Variants in PYHIN1 observed in about 807,000 individuals in gnomAD.
PYHIN1 encodes the protein pyrin and HIN domain-containing protein 1.
In PYHIN1, 32 loss-of-function variants were observed where a neutral mutation model predicts 43.7. The ratio of observed to expected loss-of-function variants is 0.73; its 90% CI spans 0.55 to 0.98. The LOEUF (loss-of-function observed/expected upper bound fraction) is 0.98, where lower values mean the gene tolerates loss of function less well. PYHIN1 is among the 50% of genes least tolerant of loss of function. The pLI is 0.00. For missense variants in PYHIN1, 588 were observed against 589.5 expected, an observed-to-expected ratio of 1.00 and a Z score of 0.03; for synonymous variants, 205 against 203.1, an observed-to-expected ratio of 1.01 and a Z score of -0.08.
In PYHIN1 at chr1:158,939,165, G is replaced by A. The variant is rs1236841496; in HGVS notation, c.497G>A (p.Gly166Glu). The A allele has an allele frequency of 1.2e-6, 2 of 1,613,986 alleles. No homozygotes were observed. The highest frequency in any genetic ancestry group is 1.3e-5 in the African/African-American group (1 of 74,998). ...KEQTRPSCSA[G>E]ASTSTAMGRS... ...CAGACTCGGCCTTCCTGCTCTGCAG[G>A]AGCCAGCACGTCCACAGCCATGGGC... is the stretch of plus-strand genomic sequence containing the variant. Residue 166 changes from glycine to glutamate, a missense_variant, in exon 4 of 9, where the codon GGA becomes GAA. By Grantham distance (98) the Gly-to-Glu change is moderately conservative. Transcript: ENST00000368140.
At chr1:158,960,980 G>C (rs996686205) in intron 7 of PYHIN1, among the ~76,000 whole-genome samples, 1 of 152,030 alleles carries the variant, frequency 6.6e-6, no homozygotes, top group Non-Finnish European at 1.5e-5. Flanking sequence ...TTGATCTAGG[G>C]TTTCCATGAG....
chr1:158,949,281 A>C (rs1649391205), intron 7 of PYHIN1, among the ~76,000 whole-genome samples: 1 of 152,188 alleles, frequency 6.6e-6, no homozygotes, highest in Non-Finnish European at 1.5e-5. Context: ...GCTCCAGTCT[A>C]AGATGTTATA....
chr1:158,954,119 G>A (rs1363961893), intron 7 of PYHIN1, among the ~76,000 whole-genome samples: 4 of 33,266 alleles, frequency 1.2e-4, no homozygotes, highest in African/African-American at 2.4e-4. Context: ...CCAAATCTAC[G>A]TCTGATTGGT....
chr1:158,948,514 C>A (rs1649346721), intron 7 of PYHIN1, among the ~76,000 whole-genome samples: 1 of 152,138 alleles, frequency 6.6e-6, no homozygotes, highest in African/African-American at 2.4e-5. Flanking sequence ...TCTTGTTGCT[C>A]CCCCACATAT....
chr1:158,942,609 A>C (rs1648988688), intron 5 of PYHIN1, among the ~76,000 whole-genome samples: 1 of 152,220 alleles, frequency 6.6e-6, no homozygotes, highest in Non-Finnish European at 1.5e-5. Flanking sequence ...TATCACCCTG[A>C]AGTTCTTTAG....
chr1:158,968,990 C>T (rs549981037), intron 7 of PYHIN1, among the ~76,000 whole-genome samples: 1 of 152,042 alleles, frequency 6.6e-6, no homozygotes, highest in African/African-American at 2.4e-5. Context: ...TCCACCAAAC[C>T]CCTGTGACAT....
intron 7 of PYHIN1, among the ~76,000 whole-genome samples, chr1:158,964,231 AG>A (rs1161159498): frequency 3.3e-5 from 5 of 152,240 alleles, no homozygotes; most frequent in African/African-American, 1.2e-4. Context: ...GATTATGTAA[AG>A]AGACAAAGTC....
chr1:158,938,993 A>T, intron 3 of PYHIN1, 87 bp from the exon 4 acceptor site: 1 of 1,003,642 alleles, frequency 1.0e-6, no homozygotes, highest in Non-Finnish European at 1.4e-6. Context: ...CAATTTATAT[A>T]CAATAAATAT....
chr1:158,946,570 G>A (rs1557829886), intron 7 of PYHIN1, among the ~76,000 whole-genome samples: 1 of 151,982 alleles, frequency 6.6e-6, no homozygotes, highest in African/African-American at 2.4e-5. Context: ...TAGATAGATA[G>A]ATAGATAGAT....
chr1:158,938,479 A>C lies in PYHIN1; in HGVS notation c.348A>C (p.Thr116=). ...KTKQKEVYPA[T]PACTPSNRLT... ...AACAGAAAGAAGTGTATCCTGCTAC[A>C]CCTGCATGCACCCCAAGCAACCGTC... The change falls in exon 3 of 9, where the codon ACA becomes ACC. Residue 116 remains threonine (T), a synonymous_variant. Coordinates refer to ENST00000368140, the MANE Select transcript of PYHIN1 (RefSeq NM_152501.5). The C allele has an allele frequency of 6.2e-7, 1 of 1,614,208 alleles. No homozygotes were observed. The highest frequency in any genetic ancestry group is 1.6e-4 in the Middle Eastern group (1 of 6,062).
the PYHIN1 span, among the ~76,000 whole-genome samples, chr1:158,987,496 T>C: frequency 6.6e-6 from 1 of 152,200 alleles, no homozygotes; most frequent in Non-Finnish European, 1.5e-5. Flanking sequence ...ACTGGTTGTC[T>C]TCTCATATTC....
At chr1:158,932,377 G>A (rs1648217080) in intron 1 of PYHIN1, among the ~76,000 whole-genome samples, 1 of 152,082 alleles carries the variant, frequency 6.6e-6, no homozygotes, top group Non-Finnish European at 1.5e-5. Flanking sequence ...TTGGTGATGG[G>A]ATCACCAGAC....
intron 3 of PYHIN1, 109 bp downstream of exon 3, chr1:158,938,651 C>T: frequency 8.8e-7 from 1 of 1,138,562 alleles, no homozygotes; most frequent in South Asian, 2.0e-5. Context: ...TGTTTCCCAT[C>T]AAGTTTCAGA....
In PYHIN1 at chr1:158,942,277, C is replaced by A; in HGVS notation, c.880C>A (p.Pro294Thr). Reference sequence around the variant, plus strand: ...AGCCTCTTCTGTATCTGAAGCTGGTCCTGACCAAACGTTTGAGGTTCCAAA... The same window carrying A: ...AGCCTCTTCTGTATCTGAAGCTGGTACTGACCAAACGTTTGAGGTTCCAAA... ...NEASSVSEAG[P>T]DQTFEVPKDI... The change falls in exon 5 of 9, where the codon CCT becomes ACT. Residue 294 changes from proline to threonine, a missense_variant. Coordinates refer to ENST00000368140, the MANE Select transcript of PYHIN1 (RefSeq NM_152501.5). 1 of 1,614,024 alleles carries A rather than the reference C, an allele frequency of 6.2e-7. No homozygotes were observed. The highest frequency in any genetic ancestry group is 8.5e-7 in the Non-Finnish European group (1 of 1,179,968).
At chr1:158,978,681 G>A (rs1442284075), downstream of PYHIN1, among the ~76,000 whole-genome samples, 1 of 152,072 alleles carries the variant, frequency 6.6e-6, no homozygotes, top group Non-Finnish European at 1.5e-5. Flanking sequence ...TGTCTAATGT[G>A]TTTGCTGATT....
rs1649145919 is a variant in PYHIN1, at chr1:158,945,016, A to G, written c.1333A>G (p.Thr445Ala). 2 of 1,613,142 alleles carry G rather than the reference A, an allele frequency of 1.2e-6. No individual in the cohort carries two copies. The highest frequency in any genetic ancestry group is 8.5e-7 in the Non-Finnish European group (1 of 1,179,614). The change falls in exon 7 of 9, where the codon ACC becomes GCC. Residue 445 changes from threonine (T) to alanine (A), a missense_variant. Coordinates refer to ENST00000368140, the MANE Select transcript of PYHIN1 (RefSeq NM_152501.5). ...HLKTPQMPPT[T>A]PSSSSFTKKD... ...CAAGACTCCTCAGATGCCACCAACA[A>G]CCCCATCCAGCAGTTCCTTCACCAA...
chr1:158,953,409 C>T (rs904925839), intron 7 of PYHIN1, among the ~76,000 whole-genome samples: 37 of 150,922 alleles, frequency 2.5e-4, no homozygotes, highest in African/African-American at 4.1e-4. Flanking sequence ...GATCTGAGAA[C>T]GGGCAGACTG....
intron 7 of PYHIN1, among the ~76,000 whole-genome samples, chr1:158,960,360 G>A (rs1174129349): frequency 1.3e-5 from 2 of 152,192 alleles, no homozygotes; most frequent in African/African-American, 4.8e-5. Flanking sequence ...ATGGGATTAT[G>A]TAGGAATTTC....
At chr1:158,971,636 C>A (rs1475007638) in intron 7 of PYHIN1, among the ~76,000 whole-genome samples, 3 of 151,918 alleles carry the variant, frequency 2.0e-5, no homozygotes, top group Non-Finnish European at 4.4e-5. Context: ...TTTTCTGGGT[C>A]CTGAAGTGCA....
Sources: allele counts gnomAD v4.1 joint callset (sites outside exome capture counted in the v4.1 genomes callset), GRCh38; gene constraint gnomAD v4.1.1; transcripts MANE v1.5; gene names NCBI Gene and HGNC (gene_info 2026-07-23, HGNC 2026-07-21).